CPPED1: variants seen among roughly 807,000 people sequenced by gnomAD.
CPPED1 encodes calcineurin like phosphoesterase domain containing 1.
Under a neutral mutation model 28.0 loss-of-function variants are expected in CPPED1, and 28 were observed. That is an observed-to-expected ratio of 1.00 (90% CI 0.74 to 1.37). CPPED1 has a LOEUF of 1.37. CPPED1 is among the 40% of genes most tolerant of loss of function. CPPED1 has a pLI of 0.00. For synonymous variants in CPPED1, 198 were observed against 180.2 expected (o/e 1.10, Z -0.79); for missense variants, 504 against 416.5 (o/e 1.21, Z -1.83).
intron 2 of CPPED1, among the ~76,000 whole-genome samples, chr16:12,713,579 T>C (rs1596456757): frequency 6.6e-6 from 1 of 152,128 alleles, no homozygotes; most frequent in South Asian, 2.1e-4. Context: ...CTGGCCAGTC[T>C]TGAACTCCTG....
chr16:12,674,756 G>C (rs1322499524), intron 3 of CPPED1, among the ~76,000 whole-genome samples: 1 of 152,166 alleles, frequency 6.6e-6, no homozygotes. Flanking sequence ...TCAGAACTCA[G>C]GGTACTCAGA....
At chr16:12,755,504 A>T (rs1225019503) in intron 2 of CPPED1, among the ~76,000 whole-genome samples, 1 of 151,828 alleles carries the variant, frequency 6.6e-6, no homozygotes, top group Non-Finnish European at 1.5e-5. Flanking sequence ...CTGGTGTATG[A>T]ACTCCTGGCC....
intron 2 of CPPED1, among the ~76,000 whole-genome samples, chr16:12,707,778 G>C (rs2080059234): frequency 6.6e-6 from 1 of 152,054 alleles, no homozygotes; most frequent in Admixed American, 6.6e-5. Flanking sequence ...CTGCTTTTGG[G>C]GAAACCACCA....
intron 2 of CPPED1, among the ~76,000 whole-genome samples, chr16:12,764,569 A>T (rs2080428664): frequency 6.6e-6 from 1 of 151,892 alleles, no homozygotes; most frequent in South Asian, 2.1e-4. Context: ...CAAACTCCTG[A>T]CCTAAGTGAT....
intron 2 of CPPED1, among the ~76,000 whole-genome samples, chr16:12,725,965 G>C (rs990287790): frequency 6.6e-6 from 1 of 152,212 alleles, no homozygotes; most frequent in Non-Finnish European, 1.5e-5. Context: ...GGGAGGCTGA[G>C]GCAGGAGGAT....
At chr16:12,707,388 G>A (rs1026310141) in intron 2 of CPPED1, among the ~76,000 whole-genome samples, 5 of 152,274 alleles carry the variant, frequency 3.3e-5, no homozygotes, top group Non-Finnish European at 5.9e-5. Context: ...ACACCCAGTG[G>A]AGGAGTGGGG....
At chr16:12,781,685 G>C (rs1274091420) in intron 1 of CPPED1, among the ~76,000 whole-genome samples, 1 of 152,082 alleles carries the variant, frequency 6.6e-6, no homozygotes. Flanking sequence ...CAGCCAAAAG[G>C]AAGCACGGGC....
chr16:12,730,320 G>C (rs750686491), intron 2 of CPPED1, among the ~76,000 whole-genome samples: 4 of 152,170 alleles, frequency 2.6e-5, no homozygotes, highest in Non-Finnish European at 4.4e-5. Flanking sequence ...CTTAGTTTAA[G>C]TTAAATATTC....
At chr16:12,684,599 T>C (rs975239467) in intron 3 of CPPED1, among the ~76,000 whole-genome samples, 1 of 152,186 alleles carries the variant, frequency 6.6e-6, no homozygotes, top group African/African-American at 2.4e-5. Flanking sequence ...TGCTCATTCG[T>C]TTCCTCCAAT....
At chr16:12,725,490 C>G (rs368314086) in intron 2 of CPPED1, among the ~76,000 whole-genome samples, 1 of 152,122 alleles carries the variant, frequency 6.6e-6, no homozygotes. Context: ...TTTGGATTCA[C>G]GCAGCATCAA....
chr16:12,753,107 C>T (rs919267002), intron 2 of CPPED1: 1 of 151,666 alleles, frequency 6.6e-6, no homozygotes. Context: ...TTTTACTATC[C>T]TATTATTCTA....
rs571966782 is a variant in CPPED1, at chr16:12,687,702, C to G, written c.715+16922G>C. On this transcript the variant is annotated intron_variant, in intron 3 of 3. Transcript: ENST00000381774. ...TGCAGTAAGCAAGAAAATGGTTATT[C>G]CACAACCCTGACTGGAATAGAGGAA... 2.0e-5 allele frequency among the ~76,000 whole-genome samples: 3 copies of G among 152,116 alleles called. No individual in the cohort carries two copies. The East Asian group carries it at 5.8e-4, about 29-fold the overall frequency.
intron 1 of CPPED1, among the ~76,000 whole-genome samples, chr16:12,796,386 T>C (rs984705659): frequency 4.0e-5 from 6 of 151,730 alleles, no homozygotes; most frequent in African/African-American, 1.2e-4. Context: ...TCCCAGCTAC[T>C]TGGGAGTCTG....
intron 1 of CPPED1, among the ~76,000 whole-genome samples, chr16:12,797,513 C>A (rs1480318366): frequency 6.6e-6 from 1 of 151,766 alleles, no homozygotes; most frequent in African/African-American, 2.4e-5. Flanking sequence ...GGAGATCATG[C>A]CACTGCACTC....
At chr16:12,767,617 A>C (rs146127655) in intron 2 of CPPED1, among the ~76,000 whole-genome samples, 8 of 152,344 alleles carry the variant, frequency 5.3e-5, no homozygotes, top group African/African-American at 1.4e-4. Flanking sequence ...CACTGGCTGG[A>C]TGAAGCCCAT....
At chr16:12,698,183 A>G (rs115464751) in intron 3 of CPPED1, among the ~76,000 whole-genome samples, 2,103 of 152,234 alleles carry the variant, frequency 0.014, 56 homozygotes, top group African/African-American at 0.048. Flanking sequence ...GCTGATAAGT[A>G]GACTTGAATC....
intron 2 of CPPED1, among the ~76,000 whole-genome samples, chr16:12,727,515 G>T (rs2080176401): frequency 6.6e-6 from 1 of 152,018 alleles, no homozygotes; most frequent in Non-Finnish European, 1.5e-5. Flanking sequence ...ACCACATCTG[G>T]CTAATTGTTA....
chr16:12,729,865 T>C (rs1238648507), intron 2 of CPPED1, among the ~76,000 whole-genome samples: 1 of 152,190 alleles, frequency 6.6e-6, no homozygotes, highest in Non-Finnish European at 1.5e-5. Flanking sequence ...AGCTGAGTTA[T>C]TATTGCTTCT....
intron 1 of CPPED1, among the ~76,000 whole-genome samples, chr16:12,797,759 T>C (rs1294635827): frequency 2.0e-5 from 3 of 151,932 alleles, no homozygotes; most frequent in African/African-American, 7.3e-5. Context: ...TAGGAATTTG[T>C]GCTGGGACAC....
Sources: gnomAD v4.1 joint callset for allele counts (sites outside exome capture counted in the v4.1 genomes callset) on GRCh38, gnomAD v4.1.1 for gene constraint, MANE v1.5 for transcripts, NCBI Gene and HGNC (gene_info 2026-07-23, HGNC 2026-07-21) for gene names.